PYROXD1: variants seen among roughly 807,000 people sequenced by gnomAD.
PYROXD1 encodes the protein pyridine nucleotide-disulphide oxidoreductase domain 1.
PYROXD1 carries 42 observed loss-of-function variants against 62.0 expected under a neutral mutation model. That is an observed-to-expected ratio of 0.68 (90% CI 0.53 to 0.88). The LOEUF (loss-of-function observed/expected upper bound fraction) is 0.88. PYROXD1 is among the 40% of genes least tolerant of loss of function. The pLI is 0.00. For synonymous variants in PYROXD1, 170 were observed against 206.4 expected (o/e 0.82, Z 1.51); for missense variants, 493 against 604.8 (o/e 0.82, Z 1.94).
chr12:21,451,635 G>A (rs1591945486), intron 4 of PYROXD1, among the ~76,000 whole-genome samples: 2 of 152,068 alleles, frequency 1.3e-5, no homozygotes, highest in South Asian at 2.1e-4. Flanking sequence ...GTAATTGCTA[G>A]AGCCAGTGCT....
intron 6 of PYROXD1, 35 bp from the exon 7 acceptor site, chr12:21,455,959 TG>T: frequency 7.4e-7 from 1 of 1,348,348 alleles, no homozygotes; most frequent in Non-Finnish European, 1.0e-6. Context: ...TTTCTCTATC[TG>T]GTAATTTTTA....
Position 21,468,847 on chromosome 12 carries a change from G to A in PYROXD1, c.*93G>A. On this transcript the variant is annotated 3_prime_UTR_variant, in exon 12 of 12. Coordinates refer to ENST00000240651, the MANE Select transcript of PYROXD1 (RefSeq NM_024854.5). ...TGAATGACTGTATTGAGTTAATGAT[G>A]ACCACACTGAAAATTACAGAAGTGA... 1.8e-6 allele frequency: 2 copies of A among 1,101,494 alleles called. No homozygotes were observed. The allele number at this position is 1,101,494 out of a possible 1,614,324, so 68.2% of individuals were successfully genotyped here.
In PYROXD1 at chr12:21,460,949, G is replaced by A. The variant is rs538253438; in HGVS notation, c.751-76G>A. ...TTTCTATACATTTCTACAAGTATAC[G>A]TTTTTTCTTCATCATTAGTAACCCG... On this transcript the variant is annotated intron_variant, in intron 7 of 11. Transcript: ENST00000240651. The A allele has an allele frequency of 3.7e-5, 34 of 926,856 alleles. No individual in the cohort carries two copies. In the East Asian group the frequency reaches 3.7e-4, roughly 10 times the overall value. The allele number at this position is 926,856 out of a possible 1,614,324, so 57.4% of individuals were successfully genotyped here.
chr12:21,442,808 C>T (rs1486698129), intron 2 of PYROXD1, among the ~76,000 whole-genome samples: 1 of 152,220 alleles, frequency 6.6e-6, no homozygotes, highest in African/African-American at 2.4e-5. Context: ...CCATTTACCA[C>T]AGTGGTCCCC....
chr12:21,467,475 T>A lies in PYROXD1; in HGVS notation c.1117-6T>A. ...GACATTGTGTAACATTTTTTCATCA[T>A]TTCAGATGAGGCTGTGGACCCAGGC... On this transcript the variant is annotated splice_region_variant and splice_polypyrimidine_tract_variant and intron_variant, in intron 10 of 11. Coordinates refer to ENST00000240651, the MANE Select transcript of PYROXD1 (RefSeq NM_024854.5). The A allele has an allele frequency of 6.3e-7, 1 of 1,587,710 alleles. No individual in the cohort carries two copies. Among genetic ancestry groups the A allele is most frequent in the Non-Finnish European group, 8.5e-7 (1 of 1,171,254 alleles).
intron 7 of PYROXD1, among the ~76,000 whole-genome samples, chr12:21,457,973 G>A (rs1416831932): frequency 2.6e-5 from 4 of 152,054 alleles, no homozygotes; most frequent in Admixed American, 1.3e-4. Context: ...GTTCTTAAGG[G>A]CCCTAGAACT....
intron 5 of PYROXD1, among the ~76,000 whole-genome samples, chr12:21,454,565 T>G (rs1023228338): frequency 4.6e-5 from 7 of 151,974 alleles, no homozygotes; most frequent in African/African-American, 1.7e-4. Context: ...AGAAGGTGGC[T>G]TATATATACC....
intron 8 of PYROXD1, among the ~76,000 whole-genome samples, chr12:21,461,685 G>A (rs143030050): frequency 6.6e-6 from 1 of 152,160 alleles, no homozygotes; most frequent in Admixed American, 6.5e-5. Context: ...CTTAAGTGGA[G>A]TGTAAAGTAT....
At chr12:21,443,954 A>G (rs1169394116) in intron 2 of PYROXD1, among the ~76,000 whole-genome samples, 1 of 152,202 alleles carries the variant, frequency 6.6e-6, no homozygotes, top group Non-Finnish European at 1.5e-5. Context: ...TACATATTTA[A>G]TGACAAGCTA....
intron 5 of PYROXD1, among the ~76,000 whole-genome samples, chr12:21,454,461 GA>G (rs1385287958): frequency 2.6e-5 from 4 of 151,938 alleles, no homozygotes; most frequent in African/African-American, 7.2e-5. Context: ...GGGACTTTGT[GA>G]AAGGAATATT....
At chr12:21,464,724 G>GT (rs59314106) in intron 10 of PYROXD1, among the ~76,000 whole-genome samples, 81,692 of 120,530 alleles carry the variant, frequency 0.68, 22,688 homozygotes, top group East Asian at 0.8. Context: ...CAAGGTCAGT[G>GT]TTTTTTTTTT....
chr12:21,446,702 A>G (rs12311412), intron 3 of PYROXD1, among the ~76,000 whole-genome samples: 6,583 of 152,140 alleles, frequency 0.043, 436 homozygotes, highest in African/African-American at 0.15. Context: ...GCTTTAGCCT[A>G]GAAGTTCGAC....
intron 7 of PYROXD1, among the ~76,000 whole-genome samples, chr12:21,457,811 A>ATCCCGTCACCTCCCACCAGGCCGTACC (rs1942626301): frequency 6.7e-6 from 1 of 149,084 alleles, no homozygotes; most frequent in Non-Finnish European, 1.5e-5. Context: ...TGTCCCCATG[A>ATCCCGTCACCTCCCACCAGGCCGTACC]TCCAGTCACC....
chr12:21,468,472 C>G, intron 11 of PYROXD1, 34 bp from the exon 12 acceptor site: 1 of 1,582,170 alleles, frequency 6.3e-7, no homozygotes, highest in Non-Finnish European at 8.6e-7. Context: ...CTTTATGATA[C>G]TCATGACAAT....
At chr12:21,466,336 AT>A (rs1942793113) in intron 10 of PYROXD1, among the ~76,000 whole-genome samples, 1 of 150,612 alleles carries the variant, frequency 6.6e-6, no homozygotes, top group African/African-American at 2.5e-5. Flanking sequence ...ATCCTCTTTT[AT>A]TTCATTGAGC....
chr12:21,462,249 G>T, intron 9 of PYROXD1, 129 bp downstream of exon 9: 3 of 606,334 alleles, frequency 4.9e-6, no homozygotes, highest in South Asian at 2.2e-5. Flanking sequence ...GAAACAGTTT[G>T]GTTAAAACAT....
chr12:21,457,756 C>CG lies in PYROXD1; in HGVS notation c.750+1661_750+1662insG, dbSNP rs1396028128. Among the ~76,000 whole-genome samples the CG allele has an allele frequency of 2.1e-5, 3 of 146,194 alleles. No individual in the cohort carries two copies. In the East Asian group the frequency reaches 6.1e-4, roughly 30 times the overall value. On this transcript the variant is annotated intron_variant, in intron 7 of 11. Coordinates refer to ENST00000240651, the MANE Select transcript of PYROXD1 (RefSeq NM_024854.5). ...TAAACAACCAGATCTCATGAGAACT[C>CG]TAACATGAAAACAGCACTAAGGATG... is the stretch of plus-strand genomic sequence containing the variant.
intron 2 of PYROXD1, among the ~76,000 whole-genome samples, chr12:21,444,099 A>G (rs1447378893): frequency 1.3e-5 from 2 of 152,166 alleles, no homozygotes; most frequent in Non-Finnish European, 2.9e-5. Flanking sequence ...TATATACAAC[A>G]GAAGGAAAAA....
In PYROXD1 at chr12:21,448,048, C is replaced by T; in HGVS notation, c.286-1515C>T. 5.8e-6 allele frequency: 3 copies of T among 520,542 alleles called. No homozygotes were observed. The East Asian group carries it at 9.7e-5, about 17-fold the overall frequency. 32.2% of individuals were successfully genotyped at this position (520,542 alleles called of 1,614,324 possible). ...GAAGGTATCTCTCTAAAATTGACCTCATTGGTTTCATTCTCAGCAAACTGA... is the reference window on the plus strand; with the variant it reads ...GAAGGTATCTCTCTAAAATTGACCTTATTGGTTTCATTCTCAGCAAACTGA... On this transcript the variant is annotated intron_variant, in intron 3 of 11. Transcript: ENST00000240651.
Sources: gnomAD v4.1 joint callset for allele counts (sites outside exome capture counted in the v4.1 genomes callset) on GRCh38, gnomAD v4.1.1 for gene constraint, MANE v1.5 for transcripts, NCBI Gene and HGNC (gene_info 2026-07-23, HGNC 2026-07-21) for gene names.